PIK3C2G: variants seen among roughly 807,000 people sequenced by gnomAD.
PIK3C2G encodes the protein phosphatidylinositol 3-kinase C2 domain-containing subunit gamma.
Under a neutral mutation model 181.1 loss-of-function variants are expected in PIK3C2G, and 168 were observed. The ratio of observed to expected loss-of-function variants is 0.93; its 90% confidence interval spans 0.82 to 1.05. The LOEUF (loss-of-function observed/expected upper bound fraction) is 1.05. Among genes scored for constraint, PIK3C2G ranks in the 50% least tolerant of loss-of-function variants. The probability of loss-of-function intolerance (pLI) is 0.00; values close to 1 mark genes in which losing one functional copy is unlikely to be tolerated. For synonymous variants in PIK3C2G, 573 were observed against 592.2 expected (o/e 0.97, Z 0.47); for missense variants, 1,869 against 1,732.8 (o/e 1.08, Z -1.40).
At chr12:18,423,032 T>C (rs1945576414) in intron 17 of PIK3C2G, among the ~76,000 whole-genome samples, 2 of 151,914 alleles carry the variant, frequency 1.3e-5, no homozygotes, top group Non-Finnish European at 1.5e-5. Context: ...GCTAGCATAT[T>C]GAGGTGTTTC....
the PIK3C2G span, among the ~76,000 whole-genome samples, chr12:18,672,570 C>T: frequency 3.3e-5 from 5 of 152,300 alleles, no homozygotes; most frequent in Admixed American, 1.3e-4. Context: ...TCCCACTACT[C>T]ATCACATTTG....
rs372029978 is a variant in PIK3C2G at position 18,399,814 on chromosome 12, A to T, written c.2282A>T (p.Gln761Leu). Residue 761 changes from glutamine (Q) to leucine (L), a missense_variant, in exon 16 of 33, where the codon CAA (glutamine) becomes CTA (leucine). Gln to Leu is a moderately radical substitution (Grantham distance 113). Coordinates refer to ENST00000538779, the MANE Select transcript of PIK3C2G (RefSeq NM_001288772.2). ...ATTTTGAGAAGATGGACATTTTCTC[A>T]ACCTTTAGAGGCTCTTGGGCTTTTG... is the stretch of plus-strand genomic sequence containing the variant. Reference protein sequence around the residue: ...HTILRRWTFSQPLEALGLLTS... With the variant: ...HTILRRWTFSLPLEALGLLTS... The T allele has an allele frequency of 3.4e-5, 55 of 1,602,894 alleles. No homozygotes were observed. The highest frequency in any genetic ancestry group is 4.7e-5 in the Non-Finnish European group (55 of 1,172,042).
chr12:18,538,652 A>G (rs1031005937), intron 25 of PIK3C2G, among the ~76,000 whole-genome samples: 5 of 151,928 alleles, frequency 3.3e-5, no homozygotes, highest in African/African-American at 1.2e-4. Context: ...CCTTATATAT[A>G]CTATCTCATT....
chr12:18,701,341 A>G, the PIK3C2G span, among the ~76,000 whole-genome samples: 1 of 152,188 alleles, frequency 6.6e-6, no homozygotes, highest in Admixed American at 6.6e-5. Flanking sequence ...TAAAAAATTC[A>G]TCTTCCACCA....
At chr12:18,595,561 C>A (rs1184191351) in intron 30 of PIK3C2G, among the ~76,000 whole-genome samples, 1 of 152,064 alleles carries the variant, frequency 6.6e-6, no homozygotes, top group African/African-American at 2.4e-5. Flanking sequence ...ACTAAACATG[C>A]CTTGGGAGAA....
chr12:18,361,788 C>T (rs142074231), intron 11 of PIK3C2G, among the ~76,000 whole-genome samples: 38 of 152,212 alleles, frequency 2.5e-4, no homozygotes, highest in African/African-American at 9.2e-4. Context: ...TATGCTGCCT[C>T]CCATCAGTGC....
At chr12:18,301,830 C>T (rs1436054555) in intron 5 of PIK3C2G, among the ~76,000 whole-genome samples, 2 of 151,954 alleles carry the variant, frequency 1.3e-5, no homozygotes, top group African/African-American at 4.8e-5. Context: ...GTGTAATAGT[C>T]ACTTCTTCCA....
chr12:18,309,509 G>C (rs529534048), intron 5 of PIK3C2G, among the ~76,000 whole-genome samples: 1 of 151,854 alleles, frequency 6.6e-6, no homozygotes, highest in African/African-American at 2.4e-5. Context: ...CAGTTTGCCT[G>C]TAATTCTCTC....
intron 26 of PIK3C2G, among the ~76,000 whole-genome samples, chr12:18,546,895 C>CT: frequency 1.3e-5 from 2 of 152,100 alleles, no homozygotes; most frequent in Middle Eastern, 6.8e-3. Flanking sequence ...CAGCAAAACA[C>CT]TGATGTATAT....
chr12:18,711,384 T>G, the PIK3C2G span, among the ~76,000 whole-genome samples: 2 of 56,800 alleles, frequency 3.5e-5, no homozygotes. Context: ...GGGACTGTTG[T>G]GGGGTGGGGG....
chr12:18,568,312 T>A (rs890121462), intron 29 of PIK3C2G, among the ~76,000 whole-genome samples: 1 of 152,062 alleles, frequency 6.6e-6, no homozygotes, highest in Non-Finnish European at 1.5e-5. Flanking sequence ...CAAGCCCAAG[T>A]TGTTAGAAAC....
the PIK3C2G span, among the ~76,000 whole-genome samples, chr12:18,672,694 T>A: frequency 6.6e-6 from 1 of 152,160 alleles, no homozygotes; most frequent in African/African-American, 2.4e-5. Context: ...TTAAGGAACA[T>A]GACCATCCCA....
intron 9 of PIK3C2G, 105 bp downstream of exon 9, chr12:18,338,653 TTGTGTGTATCTGTGTGTGTG>T: frequency 2.8e-6 from 2 of 716,530 alleles, no homozygotes; most frequent in Non-Finnish European, 2.4e-6. Context: ...GTGTGTATGT[TTGTGTGTATCTGTGTGTGTG>T]TGTGTGTGTG....
chr12:18,522,534 T>C lies in PIK3C2G; in HGVS notation c.3324-15622T>C, dbSNP rs185742275. ...TCTTGTTGGCAGGTTTTTTTTTTTT[T>C]CTTCAGCAATTTGAATATATCATCC... On this transcript the variant is annotated intron_variant, in intron 24 of 32. Transcript: ENST00000538779. Among the ~76,000 whole-genome samples, 783 of 151,780 alleles carry C rather than the reference T, an allele frequency of 5.2e-3. 7 individuals are homozygous for C. Among genetic ancestry groups the C allele is most frequent in the African/African-American group, 0.018 (751 of 41,444 alleles).
At chr12:18,321,979 T>C (rs1037048032) in intron 7 of PIK3C2G, among the ~76,000 whole-genome samples, 3 of 152,182 alleles carry the variant, frequency 2.0e-5, no homozygotes, top group African/African-American at 7.2e-5. Flanking sequence ...AGCTAATGCA[T>C]GCAGGGCTCA....
At chr12:18,577,557 A>C in intron 29 of PIK3C2G, among the ~76,000 whole-genome samples, 1 of 152,232 alleles carries the variant, frequency 6.6e-6, no homozygotes, top group East Asian at 1.9e-4. Context: ...ATCATCAAAC[A>C]TGAAGTACTG....
intron 31 of PIK3C2G, among the ~76,000 whole-genome samples, chr12:18,633,906 C>A (rs1317110844): frequency 6.6e-6 from 1 of 152,076 alleles, no homozygotes; most frequent in Non-Finnish European, 1.5e-5. Flanking sequence ...GAACAGGAAA[C>A]AAAAATTTGC....
At chr12:18,302,671 T>A (rs144841260) in intron 5 of PIK3C2G, among the ~76,000 whole-genome samples, 1 of 152,096 alleles carries the variant, frequency 6.6e-6, no homozygotes, top group East Asian at 1.9e-4. Context: ...CATCTGATGT[T>A]TTGCTGGTGT....
At chr12:18,650,712 CT>C (rs1950456211), downstream of PIK3C2G, among the ~76,000 whole-genome samples, 1 of 14,620 alleles carries the variant, frequency 6.8e-5, no homozygotes, top group Non-Finnish European at 1.2e-4. Context: ...GTGTATATAT[CT>C]ATATATATAT....
Sources: allele counts gnomAD v4.1 joint callset (sites outside exome capture counted in the v4.1 genomes callset), GRCh38; gene constraint gnomAD v4.1.1; transcripts MANE v1.5; gene names NCBI Gene and HGNC (gene_info 2026-07-23, HGNC 2026-07-21).